Variants in FAM13B observed in about 807,000 individuals in gnomAD.
The protein encoded by FAM13B is protein FAM13B.
FAM13B carries 60 observed loss-of-function variants against 117.3 expected under a neutral mutation model. The observed-to-expected ratio is 0.51, with a 90% confidence interval of 0.42 to 0.63. The LOEUF is 0.63. Ranked by LOEUF, FAM13B falls within the 30% of genes least tolerant of loss-of-function variation. FAM13B has a pLI of 0.00. For synonymous variants in FAM13B, 332 were observed against 356.1 expected (o/e 0.93, Z 0.76); for missense variants, 972 against 1,091.9 (o/e 0.89, Z 1.55).
At chr5:138,010,724 T>A (rs185935520) in intron 6 of FAM13B, among the ~76,000 whole-genome samples, 1 of 152,104 alleles carries the variant, frequency 6.6e-6, no homozygotes, top group East Asian at 1.9e-4. Flanking sequence ...ACCAAAACAC[T>A]GCATTATCCT....
At chr5:137,973,863 A>G (rs1315184916) in intron 10 of FAM13B, among the ~76,000 whole-genome samples, 1 of 143,496 alleles carries the variant, frequency 7.0e-6, no homozygotes, top group Non-Finnish European at 1.5e-5. Flanking sequence ...AATGCTCACC[A>G]TCACTGGCCA....
chr5:137,983,274 T>C (rs1448383283), intron 10 of FAM13B, among the ~76,000 whole-genome samples: 1 of 149,306 alleles, frequency 6.7e-6, no homozygotes, highest in Non-Finnish European at 1.5e-5. Context: ...TGGGAGTAAT[T>C]AATTGAATCA....
intron 1 of FAM13B, among the ~76,000 whole-genome samples, chr5:138,026,925 A>G (rs1788570829): frequency 1.3e-5 from 2 of 148,256 alleles, no homozygotes; most frequent in South Asian, 4.2e-4. Context: ...GGCAACAAAG[A>G]AAGACTCCAT....
chr5:138,011,932 T>G lies in FAM13B; in HGVS notation c.384A>C (p.Glu128Asp), dbSNP rs1452048397. 12 of 1,582,658 alleles carry G rather than the reference T, an allele frequency of 7.6e-6. No homozygotes were observed. The highest frequency in any genetic ancestry group is 9.4e-6 in the Non-Finnish European group (11 of 1,167,898). The change falls in exon 5 of 24, where the codon GAA (glutamate) becomes GAC (aspartate). Residue 128 changes from glutamate to aspartate, a missense_variant. Physicochemically the swap from Glu to Asp is conservative, Grantham distance 45. Transcript: ENST00000689681. ...LMQLSQDYNN[E>D]DEFGRKLRFL... Reference sequence around the variant, plus strand: ...ACCTCAACTTTCTTCCAAATTCATCTTCATTATTATAATCTATAAAACAAT... The same window carrying G: ...ACCTCAACTTTCTTCCAAATTCATCGTCATTATTATAATCTATAAAACAAT...
At chr5:137,964,429 T>C (rs1769053297) in intron 10 of FAM13B, among the ~76,000 whole-genome samples, 1 of 147,520 alleles carries the variant, frequency 6.8e-6, no homozygotes, top group South Asian at 2.3e-4. Flanking sequence ...ATATTTAAAA[T>C]GAACCTTGGG....
chr5:137,948,757 T>C (rs1764116400), intron 18 of FAM13B, among the ~76,000 whole-genome samples, 198 bp downstream of exon 18: 1 of 152,210 alleles, frequency 6.6e-6, no homozygotes, highest in Non-Finnish European at 1.5e-5. Flanking sequence ...TTCTAGTTTT[T>C]TCAGTTTTAT....
At chr5:137,951,545 G>C (rs1581067871) in intron 17 of FAM13B, among the ~76,000 whole-genome samples, 1 of 152,192 alleles carries the variant, frequency 6.6e-6, no homozygotes, top group East Asian at 1.9e-4. Flanking sequence ...TGTAGTCCTA[G>C]CTACTCTTGA....
chr5:137,952,578 TA>T (rs749334183), intron 17 of FAM13B, 49 bp downstream of exon 17: 9 of 1,198,104 alleles, frequency 7.5e-6, no homozygotes, highest in Admixed American at 4.3e-5. Context: ...GACATTAATA[TA>T]AAAAAATTTT....
chr5:137,982,548 C>CACT (rs1776061052), intron 10 of FAM13B, among the ~76,000 whole-genome samples: 1 of 139,388 alleles, frequency 7.2e-6, no homozygotes, highest in African/African-American at 2.6e-5. Context: ...CAACAACAAC[C>CACT]TTCATTCCAG....
chr5:137,940,167 G>A lies in FAM13B; in HGVS notation c.*58C>T, dbSNP rs1035120958. 4 of 1,612,996 alleles carry A rather than the reference G, an allele frequency of 2.5e-6. No homozygotes were observed. The highest frequency in any genetic ancestry group is 2.7e-5 in the African/African-American group (2 of 74,878). The stretch of plus-strand genomic sequence containing the variant: ...ATTTAAGTACCAGCCAAGTACACAC[G>A]ATGATAGCTTCAAGGAATACAACTG... On this transcript the variant is annotated 3_prime_UTR_variant, in exon 24 of 24. Transcript: ENST00000689681.
chr5:137,988,718 C>T (rs1000890367), intron 7 of FAM13B, among the ~76,000 whole-genome samples: 4 of 152,166 alleles, frequency 2.6e-5, no homozygotes, highest in Non-Finnish European at 4.4e-5. Context: ...GTTGGGTACC[C>T]CAAAGCCCCT....
intron 1 of FAM13B, chr5:138,039,318 A>G (rs1325533598): frequency 6.6e-6 from 1 of 152,212 alleles, no homozygotes; most frequent in African/African-American, 2.4e-5. Flanking sequence ...CCTTCACAAA[A>G]TCATGAACTT....
intron 6 of FAM13B, among the ~76,000 whole-genome samples, chr5:138,008,668 C>T (rs1783158488): frequency 6.6e-6 from 1 of 152,100 alleles, no homozygotes. Context: ...AGCAATAATG[C>T]CTATCATTAT....
At chr5:138,021,293 C>T (rs778921620) in intron 1 of FAM13B, 96 bp from the exon 2 acceptor site, 46 of 960,148 alleles carry the variant, frequency 4.8e-5, no homozygotes, top group Non-Finnish European at 5.9e-5. Flanking sequence ...TAAGAGGTTA[C>T]CTATATTGAA....
chr5:137,975,994 T>G (rs975892962), intron 10 of FAM13B, among the ~76,000 whole-genome samples: 3 of 149,810 alleles, frequency 2.0e-5, no homozygotes, highest in Non-Finnish European at 3.0e-5. Flanking sequence ...TTTTTTTTTT[T>G]TGAGACAGTC....
intron 10 of FAM13B, among the ~76,000 whole-genome samples, chr5:137,966,685 A>T (rs902106585): frequency 2.0e-5 from 3 of 152,060 alleles, no homozygotes; most frequent in African/African-American, 7.2e-5. Context: ...TTTAAACAAG[A>T]TACCATTACA....
At chr5:138,012,285 AC>A (rs940201427) in intron 4 of FAM13B, among the ~76,000 whole-genome samples, 39 of 143,784 alleles carry the variant, frequency 2.7e-4, no homozygotes, top group Admixed American at 9.0e-4. Flanking sequence ...GTGTTTCCAC[AC>A]TAGTGCCAAC....
chr5:137,995,160 C>T (rs954693675), intron 7 of FAM13B, among the ~76,000 whole-genome samples: 3 of 152,218 alleles, frequency 2.0e-5, no homozygotes, highest in Non-Finnish European at 4.4e-5. Context: ...GAGTCCTACA[C>T]ACAGTAGAGC....
At chr5:138,044,561 A>AG (rs1223775946) in intron 1 of FAM13B, among the ~76,000 whole-genome samples, 1 of 151,938 alleles carries the variant, frequency 6.6e-6, no homozygotes. Context: ...CGAAAAAAAA[A>AG]AAAAAAACGG....
Sources: allele counts gnomAD v4.1 joint callset (sites outside exome capture counted in the v4.1 genomes callset), GRCh38; gene constraint gnomAD v4.1.1; transcripts MANE v1.5; gene names NCBI Gene and HGNC (gene_info 2026-07-23, HGNC 2026-07-21).